The following SFXN4 variants were observed in gnomAD, a reference collection of about 807,000 sequenced individuals.
The protein encoded by SFXN4 is sideroflexin 4, also known as sideroflexin-4.
In SFXN4, 48 loss-of-function variants were observed where a neutral mutation model predicts 54.6. The observed-to-expected ratio is 0.88, with a 90% CI of 0.70 to 1.12. The LOEUF (loss-of-function observed/expected upper bound fraction) is 1.12, where lower values mean the gene tolerates loss of function less well. Among genes scored for constraint, SFXN4 ranks in the 50% most tolerant of loss-of-function variants. The pLI, the probability that SFXN4 is intolerant of heterozygous loss-of-function variation, is 0.00. For synonymous variants in SFXN4, 130 were observed against 145.5 expected (o/e 0.89, Z 0.77); for missense variants, 383 against 409.2 (o/e 0.94, Z 0.55).
At chr10:119,165,285 C>A in intron 1 of SFXN4, 1 of 1,222,912 alleles carries the variant, frequency 8.2e-7, no homozygotes. Context: ...GCGGACTGGG[C>A]CCCTCCGAGA....
chr10:119,164,255 T>A, intron 1 of SFXN4, 59 bp from the exon 2 acceptor site: 10 of 870,572 alleles, frequency 1.1e-5, no homozygotes, highest in Non-Finnish European at 1.6e-5. Context: ...AAGATATAAA[T>A]ACTAACAGTT....
intron 13 of SFXN4, among the ~76,000 whole-genome samples, chr10:119,144,635 TTAACAGATAAGAAAAC>T (rs1372261673): frequency 6.6e-6 from 1 of 152,132 alleles, no homozygotes; most frequent in African/African-American, 2.4e-5. Context: ...TCAGCTCTCT[TTAACAGATAAGAAAAC>T]TAAGCAAGTT....
Position 119,157,891 on chromosome 10 carries a change from T to C in SFXN4, c.451A>G (p.Ile151Val), listed in dbSNP as rs750334015. The C allele has an allele frequency of 1.2e-6, 2 of 1,614,132 alleles. No individual in the cohort carries two copies. Among genetic ancestry groups the C allele is most frequent in the Non-Finnish European group, 1.7e-6 (2 of 1,180,054 alleles). Residue 151 changes from isoleucine (I) to valine (V), a missense_variant, in exon 8 of 14, where the codon ATC (isoleucine) becomes GTC (valine). Coordinates refer to ENST00000355697, the MANE Select transcript of SFXN4 (RefSeq NM_213649.2). ...CTCACGTAACTTCTGTTTCCATTGATGCTGTTGAACGCTGCCATGTAGGCA... is the reference window on the plus strand; with the variant it reads ...CTCACGTAACTTCTGTTTCCATTGACGCTGTTGAACGCTGCCATGTAGGCA... Reference protein sequence around the residue: ...LCAYMAAFNSINGNRSYTCKP... With the variant: ...LCAYMAAFNSVNGNRSYTCKP...
At chr10:119,152,960 A>G (rs776016430) in intron 11 of SFXN4, among the ~76,000 whole-genome samples, 3 of 152,102 alleles carry the variant, frequency 2.0e-5, no homozygotes, top group African/African-American at 7.2e-5. Context: ...GCAAACAACT[A>G]AAGTCTTCAG....
At chr10:119,160,990 G>T (rs1847505541) in intron 4 of SFXN4, 21 bp from the exon 5 acceptor site, 2 of 1,614,024 alleles carry the variant, frequency 1.2e-6, no homozygotes, top group Admixed American at 3.3e-5. Context: ...AGAGATGCAA[G>T]GTTAGCTGGA....
chr10:119,153,917 C>G (rs756211427), intron 11 of SFXN4, among the ~76,000 whole-genome samples: 10 of 152,192 alleles, frequency 6.6e-5, no homozygotes, highest in Non-Finnish European at 1.5e-4. Context: ...GTGGCTCACA[C>G]CTGTAATCCC....
intron 13 of SFXN4, among the ~76,000 whole-genome samples, chr10:119,144,844 T>C (rs1846720607): frequency 6.6e-6 from 1 of 152,164 alleles, no homozygotes; most frequent in Non-Finnish European, 1.5e-5. Flanking sequence ...CCTGAAGTGC[T>C]CAGTAGCACA....
chr10:119,157,540 G>A, intron 9 of SFXN4, 128 bp downstream of exon 9: 1 of 707,274 alleles, frequency 1.4e-6, no homozygotes, highest in Non-Finnish European at 2.4e-6. Flanking sequence ...ACAATTACAG[G>A]TGACTTTTAT....
In SFXN4 at chr10:119,142,652, G is replaced by A. The variant is rs192929507; in HGVS notation, c.937-1333C>T. Among the ~76,000 whole-genome samples, 1,044 of 136,192 alleles carry A rather than the reference G, an allele frequency of 7.7e-3. 19 individuals carry two copies. Among genetic ancestry groups the A allele is most frequent in the African/African-American group, 0.027 (978 of 36,430 alleles). 89.3% of individuals were successfully genotyped at this position (136,192 alleles called of 152,430 possible). The stretch of plus-strand genomic sequence containing the variant: ...TGCAAGCTCCGCCTCTGGGGTTCAC[G>A]CCATTCTCCTGCCTCAACCTCCCGA... On this transcript the variant is annotated intron_variant, in intron 13 of 13. Coordinates refer to ENST00000355697, the MANE Select transcript of SFXN4 (RefSeq NM_213649.2).
chr10:119,154,763 C>A (rs1486147135), intron 11 of SFXN4, among the ~76,000 whole-genome samples: 2 of 152,098 alleles, frequency 1.3e-5, no homozygotes, highest in African/African-American at 4.8e-5. Context: ...GTTAGGGAGG[C>A]AGAGGTTGCA....
chr10:119,159,891 CTTTG>C, intron 5 of SFXN4, 138 bp from the exon 6 acceptor site: 3 of 868,376 alleles, frequency 3.5e-6, no homozygotes, highest in South Asian at 1.5e-5. Flanking sequence ...TCCACTCATT[CTTTG>C]TTTTTCTAAT....
chr10:119,155,626 G>T (rs1329072934), intron 10 of SFXN4, among the ~76,000 whole-genome samples: 1 of 152,072 alleles, frequency 6.6e-6, no homozygotes, highest in Non-Finnish European at 1.5e-5. Flanking sequence ...CAGAGTAGCT[G>T]GCATTACAGG....
chr10:119,161,880 T>G (rs1296213614), intron 3 of SFXN4, among the ~76,000 whole-genome samples: 5 of 152,182 alleles, frequency 3.3e-5, no homozygotes, highest in Non-Finnish European at 5.9e-5. Context: ...TAGGCTGTCT[T>G]GAGGAGCTGG....
intron 5 of SFXN4, 140 bp from the exon 6 acceptor site, chr10:119,159,893 T>C: frequency 2.3e-6 from 2 of 872,580 alleles, no homozygotes; most frequent in East Asian, 2.6e-5. Context: ...CACTCATTCT[T>C]TGTTTTTCTA....
At position 119,162,345 on chromosome 10, in the gene SFXN4, G is replaced by C. The variant is rs202237674; in HGVS notation, c.247C>G (p.Gln83Glu). 3.7e-6 allele frequency: 6 copies of C among 1,613,938 alleles called. No individual in the cohort carries two copies. Among genetic ancestry groups the C allele is most frequent in the Non-Finnish European group, 5.1e-6 (6 of 1,179,876 alleles). The change falls in exon 3 of 14, where the codon CAA (glutamine) becomes GAA (glutamate). Residue 83 changes from glutamine to glutamate, a missense_variant. Gln to Glu is a conservative substitution (Grantham distance 29). Transcript: ENST00000355697. ...CCTGAGCACGTGAAACATACCCTTT[G>C]GTCCGCCGAGGCAGGGCTGGAAACA... ...EDVSSPASAD[Q>E]RIQEAWKRSL...
intron 11 of SFXN4, among the ~76,000 whole-genome samples, chr10:119,149,434 C>A (rs767135073): frequency 6.6e-6 from 1 of 152,120 alleles, no homozygotes; most frequent in Non-Finnish European, 1.5e-5. Context: ...AGAGAGGAAG[C>A]CGAGGAGGGC....
Position 119,155,130 on chromosome 10 carries a change from T to C in SFXN4, c.664A>G (p.Ile222Val). 6.2e-7 allele frequency: 1 copy of C among 1,614,200 alleles called. No individual in the cohort carries two copies. Among genetic ancestry groups the C allele is most frequent in the Non-Finnish European group, 8.5e-7 (1 of 1,180,006 alleles). The change falls in exon 11 of 14, where the codon ATT (isoleucine) becomes GTT (valine). Residue 222 changes from isoleucine (I) to valine (V), a missense_variant. Transcript: ENST00000355697. ...TTGTCCATGACCGCAATCCCCTTAA[T>C]GGATTCAAGACTTCGGGACATGTAG... Reference protein sequence around the residue: ...NVYMSRSLESIKGIAVMDKEG... With the variant: ...NVYMSRSLESVKGIAVMDKEG...
In SFXN4 at chr10:119,146,464, C is replaced by CGCGCGCGCGCGT. The variant is rs1554885843; in HGVS notation, c.819-112_819-111insACGCGCGCGCGC. The CGCGCGCGCGCGT allele has an allele frequency of 3.4e-4, 164 of 488,468 alleles. 2 individuals carry two copies. In the Admixed American group the frequency reaches 3.6e-3, roughly 11 times the overall value. The allele number at this position is 488,468 out of a possible 1,614,324, so 30.3% of individuals were successfully genotyped here. On this transcript the variant is annotated intron_variant, in intron 12 of 13. Transcript: ENST00000355697. ...GTGTGTGTGTGTGTGTGTGTGTGCACGTGTGTGTGTACCTGAACACCTGGA... is the reference window on the plus strand; with the variant it reads ...GTGTGTGTGTGTGTGTGTGTGTGCACGCGCGCGCGCGTGTGTGTGTGTACCTGAACACCTGGA...
At chr10:119,165,370 C>T in intron 1 of SFXN4, 167 bp downstream of exon 1, 2 of 1,321,962 alleles carry the variant, frequency 1.5e-6, no homozygotes, top group South Asian at 3.6e-5. Context: ...CTGCCGCGCC[C>T]TAAGGGGTGA....
Sources: allele counts gnomAD v4.1 joint callset (sites outside exome capture counted in the v4.1 genomes callset), GRCh38; gene constraint gnomAD v4.1.1; transcripts MANE v1.5; gene names NCBI Gene and HGNC (gene_info 2026-07-23, HGNC 2026-07-21).